The following SND1 variants were observed in gnomAD, a reference collection of about 807,000 sequenced individuals.
SND1 encodes the protein staphylococcal nuclease and tudor domain containing 1, also known as staphylococcal nuclease domain-containing protein 1.
In SND1, 38 loss-of-function variants were observed where a neutral mutation model predicts 121.7. That is an observed-to-expected ratio of 0.31 (90% CI 0.24 to 0.41). The LOEUF (loss-of-function observed/expected upper bound fraction) is 0.41, where lower values mean the gene tolerates loss of function less well. SND1 is among the 10% of genes least tolerant of loss of function. The pLI is 1.00. For missense variants in SND1, 868 were observed against 1,184.6 expected, an observed-to-expected ratio of 0.73 and a Z score of 3.92; for synonymous variants, 401 against 447.4, an observed-to-expected ratio of 0.90 and a Z score of 1.31.
At chr7:128,016,621 G>A (rs1185399638) in intron 16 of SND1, among the ~76,000 whole-genome samples, 2 of 152,174 alleles carry the variant, frequency 1.3e-5, no homozygotes. Flanking sequence ...ATTCGGTAAG[G>A]AAGAAAGCTC....
chr7:127,711,702 A>G (rs1284752620), intron 9 of SND1, among the ~76,000 whole-genome samples: 2 of 151,536 alleles, frequency 1.3e-5, no homozygotes, highest in African/African-American at 2.4e-5. Flanking sequence ...TAGAACTCCT[A>G]TTATTTGGTT....
intron 12 of SND1, among the ~76,000 whole-genome samples, chr7:127,866,487 A>G (rs932086261): frequency 2.0e-5 from 3 of 152,154 alleles, no homozygotes; most frequent in Admixed American, 6.5e-5. Flanking sequence ...AGAGAAAGCA[A>G]TTTCATTAGG....
chr7:127,838,311 T>C (rs1798903094), intron 11 of SND1, among the ~76,000 whole-genome samples: 1 of 152,210 alleles, frequency 6.6e-6, no homozygotes, highest in African/African-American at 2.4e-5. Context: ...GAGCTGAACA[T>C]ACTGATGCAC....
rs762786041 is a variant in SND1 at position 127,652,391 on chromosome 7, G to A, written c.18G>A (p.Gln6=). The A allele has an allele frequency of 6.3e-7, 1 of 1,598,836 alleles. No individual in the cohort carries two copies. The highest frequency in any genetic ancestry group is 1.1e-5 in the South Asian group (1 of 88,394). The change falls in exon 1 of 24, where the codon CAG becomes CAA. Residue 6 remains glutamine (Q), a synonymous_variant. Coordinates refer to ENST00000354725, the MANE Select transcript of SND1 (RefSeq NM_014390.4). ...CTCCACACATGGCGTCCTCCGCGCA[G>A]AGCGGCGGCTCCTCCGGGGGACCCG... MASSA[Q]SGGSSGGPAV...
intron 1 of SND1, among the ~76,000 whole-genome samples, chr7:127,682,598 A>G (rs574402938): frequency 3.9e-5 from 6 of 152,336 alleles, no homozygotes; most frequent in African/African-American, 1.4e-4. Context: ...TGCATCCATG[A>G]AAGTTTGCAA....
chr7:127,668,947 T>A (rs549219793), intron 1 of SND1, among the ~76,000 whole-genome samples: 1 of 152,128 alleles, frequency 6.6e-6, no homozygotes, highest in African/African-American at 2.4e-5. Flanking sequence ...CAGTAGTTCA[T>A]GTTATCTGTG....
At chr7:127,767,877 G>A (rs1797448927) in intron 10 of SND1, among the ~76,000 whole-genome samples, 1 of 152,160 alleles carries the variant, frequency 6.6e-6, no homozygotes, top group Non-Finnish European at 1.5e-5. Context: ...GTTAGGAATT[G>A]CCCTCAAACC....
chr7:127,902,459 G>C (rs1190522065), intron 13 of SND1, among the ~76,000 whole-genome samples: 1 of 152,198 alleles, frequency 6.6e-6, no homozygotes, highest in East Asian at 1.9e-4. Flanking sequence ...GCAAAATAAG[G>C]AGAGCCTGTT....
At chr7:127,855,744 C>G (rs7458839) in intron 12 of SND1, among the ~76,000 whole-genome samples, 1 of 151,932 alleles carries the variant, frequency 6.6e-6, no homozygotes, top group Non-Finnish European at 1.5e-5. Flanking sequence ...TCTTTCCCAC[C>G]TCTCTCTCAC....
At chr7:127,736,593 G>A (rs1038464379) in intron 10 of SND1, among the ~76,000 whole-genome samples, 2 of 152,216 alleles carry the variant, frequency 1.3e-5, no homozygotes, top group Non-Finnish European at 2.9e-5. Flanking sequence ...AAGTTGTGCT[G>A]TCGTACAATG....
intron 10 of SND1, among the ~76,000 whole-genome samples, chr7:127,773,982 C>G (rs755995630): frequency 6.6e-6 from 1 of 152,182 alleles, no homozygotes; most frequent in Non-Finnish European, 1.5e-5. Context: ...TACTGCACTT[C>G]CAGTCGTATA....
chr7:127,858,070 C>G (rs1799314404), intron 12 of SND1: 5 of 1,114,410 alleles, frequency 4.5e-6, no homozygotes. Context: ...TGCTTCTCCT[C>G]TCTGGGTAGG....
intron 1 of SND1, among the ~76,000 whole-genome samples, chr7:127,680,749 C>G (rs1355769791): frequency 1.3e-5 from 2 of 149,332 alleles, no homozygotes; most frequent in Non-Finnish European, 3.0e-5. Context: ...GGTTCTGAGG[C>G]GACATACATC....
intron 1 of SND1, among the ~76,000 whole-genome samples, chr7:127,669,459 A>G (rs1278490458): frequency 6.6e-6 from 1 of 152,234 alleles, no homozygotes; most frequent in African/African-American, 2.4e-5. Context: ...ACCACTTTGG[A>G]GAATCTCTCA....
At chr7:127,753,274 A>G (rs1309265491) in intron 10 of SND1, among the ~76,000 whole-genome samples, 2 of 152,198 alleles carry the variant, frequency 1.3e-5, no homozygotes, top group South Asian at 2.1e-4. Flanking sequence ...TGGGGGGATG[A>G]TCTGAATGGA....
rs35890438 is a variant in SND1 at position 127,833,260 on chromosome 7, CT to C, written c.1243-11044del. ...TTTCTTGGGAATGTGATTGAACTGT[CT>C]TTTTTTTTTTTTTTTTTTTAATGAG... On this transcript the variant is annotated intron_variant, in intron 11 of 23. Transcript: ENST00000354725. 5.5e-3 allele frequency among the ~76,000 whole-genome samples: 537 copies of C among 97,284 alleles called. 1 individual carries two copies. Among genetic ancestry groups the C allele is most frequent in the Middle Eastern group, 0.013 (2 of 160 alleles). The allele number at this position is 97,284 out of a possible 152,430, so 63.8% of individuals were successfully genotyped here. A position where few individuals can be genotyped will look rare whatever the true frequency, so the allele number is the denominator to read the frequency against.
chr7:128,069,409 A>G lies in SND1; in HGVS notation c.1780-5093A>G, dbSNP rs967233903. On this transcript the variant is annotated intron_variant, in intron 16 of 23. Coordinates refer to ENST00000354725, the MANE Select transcript of SND1 (RefSeq NM_014390.4). ...AGGACCCCTCCTCATTTTACCATTA[A>G]GGAAACAGTCTAAGAGAGGTCAAGT... is the stretch of plus-strand genomic sequence containing the variant. Among the ~76,000 whole-genome samples, 3 of 152,318 alleles carry G rather than the reference A, an allele frequency of 2.0e-5. No homozygotes were observed. The East Asian group carries it at 5.8e-4, about 29-fold the overall frequency.
intron 15 of SND1, among the ~76,000 whole-genome samples, chr7:127,951,658 A>T (rs1286992707): frequency 6.6e-6 from 1 of 151,944 alleles, no homozygotes; most frequent in East Asian, 1.9e-4. Context: ...ATTTTGGGGG[A>T]TAGAATGTGG....
chr7:127,932,824 A>G (rs1584676510), intron 15 of SND1, among the ~76,000 whole-genome samples: 2 of 152,350 alleles, frequency 1.3e-5, no homozygotes, highest in East Asian at 3.9e-4. Context: ...AAGTGCTTTT[A>G]TTAAACTACA....
Sources: allele counts gnomAD v4.1 joint callset (sites outside exome capture counted in the v4.1 genomes callset), GRCh38; gene constraint gnomAD v4.1.1; transcripts MANE v1.5; gene names NCBI Gene and HGNC (gene_info 2026-07-23, HGNC 2026-07-21).